Variants in GABRG2 observed in about 807,000 individuals in gnomAD.
GABRG2 encodes the protein gamma-aminobutyric acid receptor subunit gamma-2.
A neutral mutation model predicts 56.4 loss-of-function variants in GABRG2; 16 were observed. The ratio of observed to expected loss-of-function variants is 0.28; its 90% CI spans 0.19 to 0.43. GABRG2 has a LOEUF of 0.43. Ranked by LOEUF, GABRG2 falls within the 20% of genes least tolerant of loss-of-function variation. The pLI, the probability that GABRG2 is intolerant of heterozygous loss-of-function variation, is 1.00. For missense variants in GABRG2, 327 were observed against 582.7 expected (o/e 0.56, Z 4.52); for synonymous variants, 208 against 205.5 (o/e 1.01, Z -0.10).
Position 162,137,927 on chromosome 5 carries a change from AT to A in GABRG2, c.770-4224del, listed in dbSNP as rs554268081. ...CCACCACGCCTGGCTAATTTTTGGT[AT>A]TTTTTTTTTTTTGTAGTGATAGATT... On this transcript the variant is annotated intron_variant, in intron 6 of 9. Coordinates refer to ENST00000639213, the MANE Select transcript of GABRG2 (RefSeq NM_198904.4). Among the ~76,000 whole-genome samples the A allele has an allele frequency of 4.5e-3, 632 of 141,266 alleles. 1 individual carries two copies. Among genetic ancestry groups the A allele is most frequent in the Middle Eastern group, 0.011 (3 of 276 alleles). The allele number at this position is 141,266 out of a possible 152,430, so 92.7% of individuals were successfully genotyped here.
Position 162,093,262 on chromosome 5 carries a change from G to A in GABRG2, c.108-566G>A, listed in dbSNP as rs201585535. On this transcript the variant is annotated intron_variant, in intron 1 of 9. Transcript: ENST00000639213. The stretch of plus-strand genomic sequence containing the variant: ...TAAATGATCCACCTTTGCCTTCAGT[G>A]CAAGTGAGGGGAAAAAATACACATA... Among the ~76,000 whole-genome samples, 1,316 of 152,138 alleles carry A rather than the reference G, an allele frequency of 8.7e-3. 18 individuals carry two copies. The highest frequency in any genetic ancestry group is 0.03 in the African/African-American group (1,263 of 41,502).
At chr5:162,095,764 C>T (rs575347589) in intron 3 of GABRG2, among the ~76,000 whole-genome samples, 1 of 151,904 alleles carries the variant, frequency 6.6e-6, no homozygotes, top group South Asian at 2.1e-4. Flanking sequence ...TAAATGGGAC[C>T]ATATATATAA....
At chr5:162,142,681 T>G in intron 7 of GABRG2, 3 of 341,668 alleles carry the variant, frequency 8.8e-6, no homozygotes, top group Non-Finnish European at 1.7e-5. Context: ...TTCTCACTCA[T>G]AGGTGGGAAT....
chr5:162,105,516 GC>G (rs1244766586), intron 6 of GABRG2, among the ~76,000 whole-genome samples: 1 of 140,916 alleles, frequency 7.1e-6, no homozygotes, highest in Non-Finnish European at 1.5e-5. Context: ...TGCAAGCTCT[GC>G]CTCCCGAGTT....
At chr5:162,071,394 G>T (rs900502889) in intron 1 of GABRG2, among the ~76,000 whole-genome samples, 14 of 151,522 alleles carry the variant, frequency 9.2e-5, no homozygotes, top group Non-Finnish European at 1.9e-4. Flanking sequence ...TATACTTAGA[G>T]TGACAAATAA....
Position 162,068,096 on chromosome 5 carries a change from C to T in GABRG2, c.97C>T (p.Leu33Phe). Residue 33 changes from leucine (L) to phenylalanine (F), a missense_variant, in exon 1 of 10, where the codon CTC (leucine) becomes TTC (phenylalanine). Coordinates refer to ENST00000639213, the MANE Select transcript of GABRG2 (RefSeq NM_198904.4). The part of the protein sequence containing the change: ...MTVWILLLLS[L>F]YPGFTSQKSD... The stretch of plus-strand genomic sequence containing the variant: ...GGTGTGGATTCTGCTCCTGCTGTCG[C>T]TCTACCCTGGGTAAGATGTGCCCTT... 6.2e-7 allele frequency: 1 copy of T among 1,612,402 alleles called. No homozygotes were observed. Among genetic ancestry groups the T allele is most frequent in the Non-Finnish European group, 8.5e-7 (1 of 1,178,892 alleles).
chr5:162,143,268 T>C (rs969606265), intron 7 of GABRG2, among the ~76,000 whole-genome samples: 4 of 152,220 alleles, frequency 2.6e-5, no homozygotes, highest in African/African-American at 9.6e-5. Context: ...CCACGAGTAA[T>C]TATTGGGATA....
chr5:162,117,617 A>G (rs1752729899), intron 6 of GABRG2, among the ~76,000 whole-genome samples: 3 of 152,282 alleles, frequency 2.0e-5, no homozygotes, highest in African/African-American at 7.2e-5. Context: ...TGTTTTATAG[A>G]TAAAGTACAT....
intron 1 of GABRG2, among the ~76,000 whole-genome samples, chr5:162,092,685 G>T (rs910852306): frequency 6.6e-6 from 1 of 152,042 alleles, no homozygotes; most frequent in Non-Finnish European, 1.5e-5. Flanking sequence ...GAGAATATAT[G>T]AATATATACA....
At chr5:162,132,396 C>T (rs2113543681) in intron 6 of GABRG2, among the ~76,000 whole-genome samples, 1 of 152,070 alleles carries the variant, frequency 6.6e-6, no homozygotes, top group East Asian at 1.9e-4. Context: ...TTTGTTCTTT[C>T]AACACATCAC....
chr5:162,113,705 C>T (rs1226889159), intron 6 of GABRG2, among the ~76,000 whole-genome samples: 1 of 152,186 alleles, frequency 6.6e-6, no homozygotes. Flanking sequence ...ATCATTACAT[C>T]TATTGTTCAT....
chr5:162,143,242 G>A (rs1027788577), intron 7 of GABRG2, among the ~76,000 whole-genome samples: 1 of 152,168 alleles, frequency 6.6e-6, no homozygotes, highest in Non-Finnish European at 1.5e-5. Context: ...GCACGCCATT[G>A]GCTGTTGGCT....
intron 6 of GABRG2, among the ~76,000 whole-genome samples, chr5:162,109,818 C>T (rs1256504971): frequency 6.6e-6 from 1 of 151,916 alleles, no homozygotes. Context: ...ACTCTTTTTT[C>T]TTCTCTGTTG....
chr5:162,143,371 G>A (rs552334702), intron 7 of GABRG2, among the ~76,000 whole-genome samples: 4 of 152,148 alleles, frequency 2.6e-5, no homozygotes, highest in African/African-American at 9.7e-5. Flanking sequence ...GGGGAAAAGC[G>A]ACTCTTAAGA....
Position 162,103,936 on chromosome 5 carries a change from G to A in GABRG2, c.679G>A (p.Val227Ile). The change falls in exon 6 of 10, where the codon GTT (valine) becomes ATT (isoleucine). Residue 227 changes from valine (V) to isoleucine (I), a missense_variant. Physicochemically the swap from Val to Ile is conservative, Grantham distance 29. Coordinates refer to ENST00000639213, the MANE Select transcript of GABRG2 (RefSeq NM_198904.4). ...TGTTTATCAATGGAAGCGAAGTTCT[G>A]TTGAAGTGGGCGACACAAGATCCTG... ...EIVYQWKRSSVEVGDTRSWRL... is the reference protein window; with the variant it reads ...EIVYQWKRSSIEVGDTRSWRL... The A allele has an allele frequency of 1.2e-6, 2 of 1,613,948 alleles. No individual in the cohort carries two copies. The highest frequency in any genetic ancestry group is 1.7e-6 in the Non-Finnish European group (2 of 1,179,884).
At chr5:162,150,576 A>G (rs1765297168) in intron 8 of GABRG2, 1 of 152,212 alleles carries the variant, frequency 6.6e-6, no homozygotes, top group Non-Finnish European at 1.5e-5. Flanking sequence ...CTTCCAAGAT[A>G]TGGGCAAAGA....
chr5:162,140,346 A>G (rs1004131405), intron 6 of GABRG2, among the ~76,000 whole-genome samples: 1 of 152,214 alleles, frequency 6.6e-6, no homozygotes, highest in African/African-American at 2.4e-5. Flanking sequence ...AGGCATTCAA[A>G]ACCCCACTTA....
chr5:162,121,860 C>T (rs762550809), intron 6 of GABRG2, among the ~76,000 whole-genome samples: 2 of 151,956 alleles, frequency 1.3e-5, no homozygotes, highest in Non-Finnish European at 2.9e-5. Flanking sequence ...AATGTGTCCT[C>T]TTAAGATCAC....
At chr5:162,099,488 T>G (rs1249293120) in intron 4 of GABRG2, 1 of 152,160 alleles carries the variant, frequency 6.6e-6, no homozygotes, top group African/African-American at 2.4e-5. Flanking sequence ...GCCCATGTGG[T>G]CTTGAACTCC....
Sources: allele counts gnomAD v4.1 joint callset (sites outside exome capture counted in the v4.1 genomes callset), GRCh38; gene constraint gnomAD v4.1.1; transcripts MANE v1.5; gene names NCBI Gene and HGNC (gene_info 2026-07-23, HGNC 2026-07-21).